ADCY10: variants seen among roughly 807,000 people sequenced by gnomAD.
ADCY10 encodes the protein adenylate cyclase 10, also known as adenylate cyclase type 10.
ADCY10 carries 156 observed loss-of-function variants against 183.3 expected under a neutral mutation model. The observed-to-expected ratio is 0.85, with a 90% confidence interval of 0.75 to 0.97. ADCY10 has a LOEUF of 0.97. ADCY10 is among the 50% of genes least tolerant of loss of function. ADCY10 has a pLI of 0.00. For synonymous variants in ADCY10, 645 were observed against 670.0 expected (o/e 0.96, Z 0.58); for missense variants, 1,745 against 1,934.3 (o/e 0.90, Z 1.84).
At chr1:167,810,371 A>G (rs779774050) in intron 32 of ADCY10, among the ~76,000 whole-genome samples, 11 of 152,242 alleles carry the variant, frequency 7.2e-5, no homozygotes, top group Non-Finnish European at 1.5e-4. Flanking sequence ...TTAACCCCCA[A>G]GGTAATGGTA....
rs199862660 is a variant in ADCY10 at position 167,832,958 on chromosome 1, A to T, written c.3593+29T>A. On this transcript the variant is annotated intron_variant, in intron 25 of 32. Coordinates refer to ENST00000367851, the MANE Select transcript of ADCY10 (RefSeq NM_018417.6). Reference sequence around the variant, plus strand: ...GCCTCTCTGGGGAGTGAGACTAAACAGTCTGCTCTCCCCAGCTCCTTCCCT... The same window carrying T: ...GCCTCTCTGGGGAGTGAGACTAAACTGTCTGCTCTCCCCAGCTCCTTCCCT... The T allele has an allele frequency of 6.6e-5, 106 of 1,609,620 alleles. No homozygotes were observed. The African/African-American group carries it at 1.3e-3, about 20-fold the overall frequency.
At chr1:167,898,515 C>T (rs1669161400) in intron 6 of ADCY10, among the ~76,000 whole-genome samples, 1 of 151,710 alleles carries the variant, frequency 6.6e-6, no homozygotes. Context: ...CAGGGAATTG[C>T]TTGAACCCGG....
intron 21 of ADCY10, among the ~76,000 whole-genome samples, chr1:167,838,384 T>C (rs964740451): frequency 6.6e-6 from 1 of 152,230 alleles, no homozygotes; most frequent in Non-Finnish European, 1.5e-5. Context: ...GTTGTTAAAG[T>C]TACCTGTGGC....
In ADCY10 at chr1:167,846,066, G is replaced by T; in HGVS notation, c.2635C>A (p.Leu879Ile). ...IFYCFRNGKE[L>I]QKALKQNDPS... ...TCATTCTGTTTCAGGGCCTTTTGAA[G>T]CTCCTTGCCATTCCGGAAACAATAA... Residue 879 changes from leucine (L) to isoleucine (I), a missense_variant, in exon 20 of 33, where the codon CTT becomes ATT. Transcript: ENST00000367851. 6.2e-7 allele frequency: 1 copy of T among 1,614,206 alleles called. No homozygotes were observed. The highest frequency in any genetic ancestry group is 8.5e-7 in the Non-Finnish European group (1 of 1,180,034).
At chr1:167,839,605 T>G (rs1203680888) in intron 21 of ADCY10, among the ~76,000 whole-genome samples, 1 of 152,210 alleles carries the variant, frequency 6.6e-6, no homozygotes, top group Admixed American at 6.5e-5. Flanking sequence ...CCAATTCACT[T>G]AGACTGAAAT....
At chr1:167,824,347 A>G (rs1425522375) in intron 28 of ADCY10, 129 bp downstream of exon 28, 2 of 811,266 alleles carry the variant, frequency 2.5e-6, no homozygotes, top group Non-Finnish European at 2.2e-6. Context: ...GGTGACTACT[A>G]TCAGTTACAT....
At chr1:167,818,040 T>G (rs777666330) in intron 31 of ADCY10, 32 bp downstream of exon 31, 1 of 1,600,966 alleles carries the variant, frequency 6.2e-7, no homozygotes, top group South Asian at 1.1e-5. Context: ...TTAAGGCATA[T>G]TTTATACTGG....
Position 167,824,646 on chromosome 1 carries a change from C to T in ADCY10, c.3955+5G>A, listed in dbSNP as rs1363442743. 1.2e-6 allele frequency: 2 copies of T among 1,614,052 alleles called. No individual in the cohort carries two copies. Among genetic ancestry groups the T allele is most frequent in the African/African-American group, 1.3e-5 (1 of 74,906 alleles). ...CATGTCCCATCTTGCCCAGCCAGCC[C>T]TTACCTAACTCAATGGCCAAATCCA... is the stretch of plus-strand genomic sequence containing the variant. On this transcript the variant is annotated splice_donor_5th_base_variant and intron_variant, in intron 27 of 32. Transcript: ENST00000367851.
intron 1 of ADCY10, among the ~76,000 whole-genome samples, 190 bp from the exon 2 acceptor site, chr1:167,905,388 T>C (rs185636222): frequency 8.5e-5 from 13 of 152,298 alleles, no homozygotes; most frequent in Admixed American, 5.9e-4. Context: ...GAACAGCTGT[T>C]GCATAAGTGA....
intron 2 of ADCY10, among the ~76,000 whole-genome samples, chr1:167,904,445 G>A (rs887722003): frequency 2.6e-5 from 4 of 152,146 alleles, no homozygotes; most frequent in Non-Finnish European, 5.9e-5. Context: ...CTGGTCAAGT[G>A]TCAGACATGC....
At chr1:167,839,478 T>A (rs1341229933) in intron 21 of ADCY10, among the ~76,000 whole-genome samples, 1 of 152,250 alleles carries the variant, frequency 6.6e-6, no homozygotes, top group Non-Finnish European at 1.5e-5. Context: ...GCAAGCCTTT[T>A]ACATGAGAAA....
intron 14 of ADCY10, among the ~76,000 whole-genome samples, chr1:167,862,368 A>C (rs1050275577): frequency 6.6e-6 from 1 of 152,206 alleles, no homozygotes; most frequent in African/African-American, 2.4e-5. Flanking sequence ...GACACAAACA[A>C]CACACAGGGA....
At chr1:167,912,080 A>C (rs144342614) in intron 1 of ADCY10, among the ~76,000 whole-genome samples, 1 of 152,396 alleles carries the variant, frequency 6.6e-6, no homozygotes, top group Non-Finnish European at 1.5e-5. Flanking sequence ...GTTCTGCAAC[A>C]TCACAAAATG....
At chr1:167,908,589 T>G (rs1669960848) in intron 1 of ADCY10, among the ~76,000 whole-genome samples, 1 of 152,232 alleles carries the variant, frequency 6.6e-6, no homozygotes, top group South Asian at 2.1e-4. Context: ...TGTGAGATGA[T>G]ACGTTAATTA....
chr1:167,860,804 G>A, intron 15 of ADCY10, 67 bp downstream of exon 15: 1 of 1,322,064 alleles, frequency 7.6e-7, no homozygotes, highest in Non-Finnish European at 1.1e-6. Flanking sequence ...AAGTCACAAT[G>A]CACCAGAGAG....
intron 21 of ADCY10, among the ~76,000 whole-genome samples, chr1:167,844,219 G>A (rs941771727): frequency 6.6e-6 from 1 of 152,206 alleles, no homozygotes; most frequent in Non-Finnish European, 1.5e-5. Context: ...TCCCTGCCCA[G>A]TGCAGATGAG....
Position 167,837,236 on chromosome 1 carries a change from T to C in ADCY10, c.3077+13A>G, listed in dbSNP as rs2101923136. 9 of 1,599,526 alleles carry C rather than the reference T, an allele frequency of 5.6e-6. No individual in the cohort carries two copies. The highest frequency in any genetic ancestry group is 7.7e-6 in the Non-Finnish European group (9 of 1,166,822). ...TTATGCTCTACTTCCTAAACAATGA[T>C]ATATGCCTCTACCTGCGATTTTCAG... On this transcript the variant is annotated intron_variant, in intron 22 of 32. Transcript: ENST00000367851.
chr1:167,873,579 T>C (rs1421575573), intron 13 of ADCY10, among the ~76,000 whole-genome samples: 2 of 152,236 alleles, frequency 1.3e-5, no homozygotes, highest in East Asian at 3.8e-4. Flanking sequence ...GTCAATCTTC[T>C]TTGGGTCTCT....
chr1:167,820,107 C>G, intron 30 of ADCY10: 1 of 1,566,810 alleles, frequency 6.4e-7, no homozygotes, highest in Non-Finnish European at 8.7e-7. Context: ...CTGACATCAA[C>G]GTTTCCTTTT....
Sources: allele counts gnomAD v4.1 joint callset (sites outside exome capture counted in the v4.1 genomes callset), GRCh38; gene constraint gnomAD v4.1.1; transcripts MANE v1.5; gene names NCBI Gene and HGNC (gene_info 2026-07-23, HGNC 2026-07-21).